TNRC6B: variants seen among roughly 807,000 people sequenced by gnomAD.
TNRC6B encodes the protein trinucleotide repeat-containing gene 6B protein.
TNRC6B carries 52 observed loss-of-function variants against 203.6 expected under a neutral mutation model. That is an observed-to-expected ratio of 0.26 (90% confidence interval 0.20 to 0.32). The LOEUF (loss-of-function observed/expected upper bound fraction) is 0.32, where lower values mean the gene tolerates loss of function less well. TNRC6B is among the 10% of genes least tolerant of loss of function. The pLI is 1.00. For synonymous variants in TNRC6B, 838 were observed against 845.7 expected (o/e 0.99, Z 0.16); for missense variants, 1,923 against 2,286.2 (o/e 0.84, Z 3.24).
intron 2 of TNRC6B, among the ~76,000 whole-genome samples, chr22:40,248,716 A>G (rs558360545): frequency 6.6e-6 from 1 of 152,334 alleles, no homozygotes; most frequent in East Asian, 1.9e-4. Flanking sequence ...TGAAGAAGTG[A>G]TAGCAAAGGG....
At chr22:40,059,812 T>G (rs2067831799) in intron 1 of TNRC6B, among the ~76,000 whole-genome samples, 1 of 147,498 alleles carries the variant, frequency 6.8e-6, no homozygotes, top group African/African-American at 2.7e-5. Context: ...ATGATAGAGT[T>G]TGGTTTTTTT....
At chr22:40,248,341 TAA>T (rs1442885516) in intron 2 of TNRC6B, among the ~76,000 whole-genome samples, 1 of 152,214 alleles carries the variant, frequency 6.6e-6, no homozygotes, top group Non-Finnish European at 1.5e-5. Context: ...TTTCCTCTAC[TAA>T]GTTGATACAA....
At chr22:40,120,741 C>T (rs752582142) in intron 2 of TNRC6B, among the ~76,000 whole-genome samples, 3 of 152,136 alleles carry the variant, frequency 2.0e-5, no homozygotes, top group Non-Finnish European at 4.4e-5. Flanking sequence ...GTAAGGCAGA[C>T]AGGTGGAGAT....
At chr22:40,228,581 G>A (rs1241730659) in intron 1 of TNRC6B, among the ~76,000 whole-genome samples, 6 of 149,198 alleles carry the variant, frequency 4.0e-5, no homozygotes, top group Non-Finnish European at 7.4e-5. Context: ...GTGCAGCGGC[G>A]TGATCTCGGC....
In TNRC6B at chr22:40,329,871, A is replaced by C. The variant is rs1379927357; in HGVS notation, c.*6630A>C. ...TAAATCGTTCCCTTTTCAGTTAGCT[A>C]TATACCTGAATTTGTTTTTAACAAG... On this transcript the variant is annotated 3_prime_UTR_variant, in exon 23 of 23. Coordinates refer to ENST00000454349, the MANE Select transcript of TNRC6B (RefSeq NM_001162501.2). 2.0e-5 allele frequency: 3 copies of C among 152,224 alleles called. No homozygotes were observed. The highest frequency in any genetic ancestry group is 4.4e-5 in the Non-Finnish European group (3 of 68,036). The allele number at this position is 152,224 out of a possible 1,614,324, so 9.4% of individuals were successfully genotyped here. A position where few individuals can be genotyped will look rare whatever the true frequency, so the allele number is the denominator to read the frequency against.
chr22:40,218,324 CTTTTTTTTTTT>C (rs71199275), intron 1 of TNRC6B, among the ~76,000 whole-genome samples: 1,466 of 97,490 alleles, frequency 0.015, 15 homozygotes, highest in Non-Finnish European at 0.021. Context: ...TTTTTCTTTT[CTTTTTTTTTTT>C]TTTTTTTTTG....
intron 2 of TNRC6B, 190 bp downstream of exon 2, chr22:40,246,292 C>T (rs893592998): frequency 3.3e-5 from 12 of 363,780 alleles, no homozygotes; most frequent in African/African-American, 2.3e-4. Flanking sequence ...CAGGTTTAAG[C>T]GATGCTCCTC....
intron 1 of TNRC6B, among the ~76,000 whole-genome samples, chr22:40,076,369 A>G (rs940989377): frequency 6.6e-6 from 1 of 152,222 alleles, no homozygotes; most frequent in Non-Finnish European, 1.5e-5. Flanking sequence ...AGCCATGGTC[A>G]TTCAGTGGGC....
At chr22:40,051,720 A>G (rs2067746185) in intron 1 of TNRC6B, among the ~76,000 whole-genome samples, 1 of 152,270 alleles carries the variant, frequency 6.6e-6, no homozygotes, top group Non-Finnish European at 1.5e-5. Context: ...TAGAAATAGA[A>G]TGTAAGCCAC....
chr22:40,092,832 A>C (rs1475499189), intron 1 of TNRC6B, among the ~76,000 whole-genome samples: 1 of 152,238 alleles, frequency 6.6e-6, no homozygotes, highest in Non-Finnish European at 1.5e-5. Flanking sequence ...CAGATACTGT[A>C]AGTGTAATGT....
intron 4 of TNRC6B, among the ~76,000 whole-genome samples, chr22:40,165,990 T>G (rs1440358083): frequency 6.6e-6 from 1 of 152,172 alleles, no homozygotes; most frequent in African/African-American, 2.4e-5. Context: ...TTTTGTTTTG[T>G]TTTTGGGCAG....
chr22:40,189,495 G>A (rs1487978621), intron 1 of TNRC6B, among the ~76,000 whole-genome samples: 18 of 101,316 alleles, frequency 1.8e-4, no homozygotes, highest in Admixed American at 1.4e-3. Context: ...AGATTTGTCT[G>A]CCCAAAAAAA....
Position 40,265,886 on chromosome 22 carries a change from T to A in TNRC6B, c.1656T>A (p.Asn552Lys). The A allele has an allele frequency of 6.2e-7, 1 of 1,613,928 alleles. No individual in the cohort carries two copies. Among genetic ancestry groups the A allele is most frequent in the East Asian group, 2.2e-5 (1 of 44,870 alleles). The change falls in exon 5 of 23, where the codon AAT (asparagine) becomes AAA (lysine). Residue 552 changes from asparagine to lysine, a missense_variant. By Grantham distance (94) the Asn-to-Lys change is moderately conservative. This residue lies in a region of TNRC6B where 614 missense variants were observed against 587.7 expected (regional missense o/e 1.04). Coordinates refer to ENST00000454349, the MANE Select transcript of TNRC6B (RefSeq NM_001162501.2). ...ACCCCCTCCCTGAAAACCAAGGCAA[T>A]GCCCAGGCTCCCTGTTGGGGAAGAT... ...KGHPLPENQG[N>K]AQAPCWGRSS... is the part of the protein sequence containing the mutation.
intron 1 of TNRC6B, among the ~76,000 whole-genome samples, chr22:40,202,402 A>G (rs866296905): frequency 1.3e-5 from 2 of 152,014 alleles, no homozygotes; most frequent in South Asian, 4.1e-4. Flanking sequence ...ATAATTACAA[A>G]TAGATTGTGG....
intron 1 of TNRC6B, among the ~76,000 whole-genome samples, chr22:40,184,326 A>T (rs1028585325): frequency 6.6e-6 from 1 of 152,156 alleles, no homozygotes; most frequent in African/African-American, 2.4e-5. Context: ...GGACACCTAG[A>T]GAGATAACAG....
chr22:40,127,780 G>C (rs1290032191), intron 3 of TNRC6B, among the ~76,000 whole-genome samples: 1 of 152,260 alleles, frequency 6.6e-6, no homozygotes, highest in Admixed American at 6.5e-5. Flanking sequence ...TGAGGTAGGA[G>C]GATCATTTGT....
At chr22:40,051,231 G>C (rs1357396214) in intron 1 of TNRC6B, among the ~76,000 whole-genome samples, 1 of 152,160 alleles carries the variant, frequency 6.6e-6, no homozygotes, top group Non-Finnish European at 1.5e-5. Flanking sequence ...AATTGCTGAA[G>C]AGGACACCAA....
chr22:40,193,251 A>G (rs1011228375), intron 1 of TNRC6B, among the ~76,000 whole-genome samples: 1 of 152,084 alleles, frequency 6.6e-6, no homozygotes, highest in South Asian at 2.1e-4. Context: ...TCCAGGAGGA[A>G]CTCACAGTGT....
intron 3 of TNRC6B, among the ~76,000 whole-genome samples, chr22:40,153,579 GA>G (rs1278782692): frequency 6.6e-6 from 1 of 151,448 alleles, no homozygotes; most frequent in African/African-American, 2.4e-5. Context: ...ATAAGAAGAG[GA>G]AGTGGTAATT....
Sources: allele counts gnomAD v4.1 joint callset (sites outside exome capture counted in the v4.1 genomes callset), GRCh38; gene constraint gnomAD v4.1.1; regional missense constraint gnomAD v4.1.1; transcripts MANE v1.5; gene names NCBI Gene and HGNC (gene_info 2026-07-23, HGNC 2026-07-21).